GXYLT2: variants seen among roughly 807,000 people sequenced by gnomAD.
The protein encoded by GXYLT2 is glucoside xylosyltransferase 2.
GXYLT2 carries 53 observed loss-of-function variants against 45.8 expected under a neutral mutation model. The ratio of observed to expected loss-of-function variants is 1.16; its 90% CI spans 0.93 to 1.46. GXYLT2 has a LOEUF of 1.46. Ranked by LOEUF, GXYLT2 falls within the 40% of genes most tolerant of loss-of-function variation. The pLI, the probability that GXYLT2 is intolerant of heterozygous loss-of-function variation, is 0.00. For missense variants in GXYLT2, 551 were observed against 544.4 expected, an observed-to-expected ratio of 1.01 and a Z score of -0.12; for synonymous variants, 219 against 214.2, an observed-to-expected ratio of 1.02 and a Z score of -0.19.
At position 72,908,541 on chromosome 3, in the gene GXYLT2, G is replaced by A. The variant is rs1200709126; in HGVS notation, c.450G>A (p.Lys150=). Residue 150 remains lysine (K), a synonymous_variant, in exon 2 of 7, where the codon AAG becomes AAA. Coordinates refer to ENST00000389617, the MANE Select transcript of GXYLT2 (RefSeq NM_001080393.2). The part of the protein sequence containing the change: ...QFHIFTEDSL[K]PEFDKQLRQW... ...ACATCTTCACTGAAGACTCTCTGAA[G>A]CCCGAGTTTGATAAGCAGGTGAATT... The A allele has an allele frequency of 6.2e-7, 1 of 1,611,396 alleles. No individual in the cohort carries two copies. Among genetic ancestry groups the A allele is most frequent in the Non-Finnish European group, 8.5e-7 (1 of 1,178,928 alleles).
intron 2 of GXYLT2, among the ~76,000 whole-genome samples, chr3:72,911,506 A>G (rs1378748721): frequency 6.6e-6 from 1 of 152,082 alleles, no homozygotes; most frequent in Non-Finnish European, 1.5e-5. Flanking sequence ...TACAAAAGGC[A>G]CTTCACCTTC....
In GXYLT2 at chr3:72,908,408, C is replaced by G. The variant is rs371588992; in HGVS notation, c.317C>G (p.Pro106Arg). 35 of 1,613,594 alleles carry G rather than the reference C, an allele frequency of 2.2e-5. No individual in the cohort carries two copies. Among genetic ancestry groups the G allele is most frequent in the African/African-American group, 4.0e-5 (3 of 74,888 alleles). Residue 106 changes from proline (P) to arginine (R), a missense_variant, in exon 2 of 7, where the codon CCC becomes CGC. By Grantham distance (103) the Pro-to-Arg change is moderately radical. Transcript: ENST00000389617. ...AGGAGTTTCCAAGCTGTGCTGCCAC[C>G]CGAGCTCTGGATCCACCTGGCTGTG... ...EPRSFQAVLPPELWIHLAVVA... is the reference protein window; with the variant it reads ...EPRSFQAVLPRELWIHLAVVA...
chr3:72,900,223 G>A (rs913601984), intron 1 of GXYLT2, among the ~76,000 whole-genome samples: 1 of 152,144 alleles, frequency 6.6e-6, no homozygotes, highest in African/African-American at 2.4e-5. Context: ...TAAGTCGCAC[G>A]TTTGAGACTT....
chr3:72,948,809 C>T (rs1314598704), intron 3 of GXYLT2, among the ~76,000 whole-genome samples: 2 of 148,600 alleles, frequency 1.3e-5, no homozygotes, highest in Non-Finnish European at 3.0e-5. Context: ...TGCACTCCAG[C>T]CTGGTGACAG....
chr3:72,932,386 A>T (rs921361602), intron 3 of GXYLT2, among the ~76,000 whole-genome samples: 3 of 152,200 alleles, frequency 2.0e-5, no homozygotes, highest in Admixed American at 6.5e-5. Context: ...GGCAACACAA[A>T]AGTATTTAAT....
intron 4 of GXYLT2, 87 bp from the exon 5 acceptor site, chr3:72,957,142 A>G: frequency 7.3e-7 from 1 of 1,368,330 alleles, no homozygotes; most frequent in Admixed American, 2.6e-5. Context: ...CTCTGAAGGG[A>G]AGAAAACTAG....
At chr3:72,933,327 T>C (rs115757419) in intron 3 of GXYLT2, among the ~76,000 whole-genome samples, 2,030 of 152,346 alleles carry the variant, frequency 0.013, 45 homozygotes, top group African/African-American at 0.042. Flanking sequence ...TCTTTTTGAC[T>C]CCAGCATAAT....
Position 72,908,358 on chromosome 3 carries a change from T to A in GXYLT2, c.276-9T>A. 3.2e-6 allele frequency: 5 copies of A among 1,569,696 alleles called. No homozygotes were observed. Among genetic ancestry groups the A allele is most frequent in the Non-Finnish European group, 4.3e-6 (5 of 1,163,714 alleles). ...AGTAATAGCTTTCACTTGTTTTCCC[T>A]CTTTCTAGGAGGCCTGGAGAACCCA... On this transcript the variant is annotated splice_polypyrimidine_tract_variant and intron_variant, in intron 1 of 6. Coordinates refer to ENST00000389617, the MANE Select transcript of GXYLT2 (RefSeq NM_001080393.2).
At chr3:72,921,043 A>G (rs1709824924) in intron 2 of GXYLT2, among the ~76,000 whole-genome samples, 1 of 151,628 alleles carries the variant, frequency 6.6e-6, no homozygotes. Flanking sequence ...CTGGTCTCAA[A>G]CTCCTGACCT....
At chr3:72,916,415 T>C (rs957341325) in intron 2 of GXYLT2, among the ~76,000 whole-genome samples, 1 of 151,942 alleles carries the variant, frequency 6.6e-6, no homozygotes, top group African/African-American at 2.4e-5. Flanking sequence ...CCCTAACTCC[T>C]GGTCTCAAGT....
chr3:72,910,479 C>T lies in GXYLT2; in HGVS notation c.468+1920C>T, dbSNP rs542498437. On this transcript the variant is annotated intron_variant, in intron 2 of 6. Coordinates refer to ENST00000389617, the MANE Select transcript of GXYLT2 (RefSeq NM_001080393.2). Reference sequence around the variant, plus strand: ...TTCCCCATCTGCAACTTGAGGCTAGCGGGTTTGCTAAAAGAGATGGTAGAT... The same window carrying T: ...TTCCCCATCTGCAACTTGAGGCTAGTGGGTTTGCTAAAAGAGATGGTAGAT... Among the ~76,000 whole-genome samples, 3 of 152,236 alleles carry T rather than the reference C, an allele frequency of 2.0e-5. No individual in the cohort carries two copies. The East Asian group carries it at 5.8e-4, about 29-fold the overall frequency.
chr3:72,890,438 T>A lies in GXYLT2; in HGVS notation c.275+1930T>A, dbSNP rs112813031. Among the ~76,000 whole-genome samples the A allele has an allele frequency of 1.5e-3, 228 of 152,334 alleles. 2 individuals carry two copies. Among genetic ancestry groups the A allele is most frequent in the African/African-American group, 5.0e-3 (208 of 41,574 alleles). ...CTCTGCAAAGTAAGCACCAATGGTA[T>A]CCCCACTTTTCAGATGAGGAAAGTA... On this transcript the variant is annotated intron_variant, in intron 1 of 6. Coordinates refer to ENST00000389617, the MANE Select transcript of GXYLT2 (RefSeq NM_001080393.2).
Position 72,940,523 on chromosome 3 carries a change from C to T in GXYLT2, c.601-14575C>T, listed in dbSNP as rs562749682. ...ATGTTGGTTAATTCTGAAGAGAGAG[C>T]GGGGGTTGGTTATGGGGGTTTGGAG... On this transcript the variant is annotated intron_variant, in intron 3 of 6. Transcript: ENST00000389617. 1.1e-4 allele frequency among the ~76,000 whole-genome samples: 17 copies of T among 151,708 alleles called. No homozygotes were observed. In the South Asian group the frequency reaches 2.3e-3, roughly 20 times the overall value.
chr3:72,931,454 C>T (rs748890883), intron 3 of GXYLT2, among the ~76,000 whole-genome samples: 4 of 152,060 alleles, frequency 2.6e-5, no homozygotes, highest in Admixed American at 6.5e-5. Context: ...TGGTCTCGAT[C>T]TCCTGACCTC....
At chr3:72,929,583 G>A (rs1575795891) in intron 3 of GXYLT2, 1 of 1,077,802 alleles carries the variant, frequency 9.3e-7, no homozygotes, top group South Asian at 1.2e-5. Context: ...GGGAGACAGT[G>A]ATAACGAAAG....
At chr3:72,950,586 C>T (rs1460462226) in intron 3 of GXYLT2, among the ~76,000 whole-genome samples, 2 of 151,802 alleles carry the variant, frequency 1.3e-5, no homozygotes, top group Non-Finnish European at 2.9e-5. Flanking sequence ...GCTATGATTG[C>T]ACCACTGCAC....
intron 2 of GXYLT2, among the ~76,000 whole-genome samples, chr3:72,910,871 T>C (rs1210580260): frequency 2.0e-5 from 3 of 152,188 alleles, no homozygotes; most frequent in African/African-American, 7.2e-5. Context: ...GGAAGCTGGC[T>C]ATGTGCAAAC....
At chr3:72,962,376 G>A (rs1006822378) in intron 5 of GXYLT2, among the ~76,000 whole-genome samples, 5 of 152,190 alleles carry the variant, frequency 3.3e-5, no homozygotes, top group Non-Finnish European at 7.3e-5. Flanking sequence ...AAGGCTCAGT[G>A]CTTTAAATGG....
At chr3:72,942,071 A>T (rs1710312643) in intron 3 of GXYLT2, among the ~76,000 whole-genome samples, 1 of 152,112 alleles carries the variant, frequency 6.6e-6, no homozygotes, top group African/African-American at 2.4e-5. Flanking sequence ...TGTGCTAAAA[A>T]ATATTTTTTA....
Sources: allele counts gnomAD v4.1 joint callset (sites outside exome capture counted in the v4.1 genomes callset), GRCh38; gene constraint gnomAD v4.1.1; transcripts MANE v1.5; gene names NCBI Gene and HGNC (gene_info 2026-07-23, HGNC 2026-07-21).